Variants in OCRL observed in about 807,000 individuals in gnomAD.
The protein encoded by OCRL is OCRL inositol polyphosphate-5-phosphatase, also known as inositol polyphosphate 5-phosphatase OCRL.
In OCRL, 8 loss-of-function variants were observed where a neutral mutation model predicts 78.9. The ratio of observed to expected loss-of-function variants is 0.10; its 90% CI spans 0.06 to 0.18. The LOEUF is 0.18. OCRL is among the 10% of genes least tolerant of loss of function. OCRL has a pLI of 1.00. For missense variants in OCRL, 454 were observed against 696.7 expected, an observed-to-expected ratio of 0.65 and a Z score of 3.92; for synonymous variants, 240 against 235.4, an observed-to-expected ratio of 1.02 and a Z score of -0.18.
intron 15 of OCRL, among the ~76,000 whole-genome samples, chrX:129,572,551 A>G (rs1936315903): frequency 8.9e-6 from 1 of 112,735 alleles, no homozygotes; most frequent in South Asian, 3.6e-4. Flanking sequence ...AAACCACACT[A>G]TATTTTCACC....
intron 15 of OCRL, among the ~76,000 whole-genome samples, chrX:129,574,708 CATT>C (rs1936346114): frequency 8.9e-6 from 1 of 112,416 alleles, no homozygotes; most frequent in African/African-American, 3.2e-5. Flanking sequence ...ACAATTATCA[CATT>C]TTTTCCACTA....
rs1441211795 is a variant in OCRL, at chrX:129,567,350, C to T, written c.1453C>T (p.Arg485Trp). The T allele has an allele frequency of 6.0e-6, 7 of 1,161,688 alleles. No homozygotes were observed. The highest frequency in any genetic ancestry group is 1.8e-5 in the African/African-American group (1 of 56,183). The change falls in exon 14 of 24, where the codon CGG becomes TGG. Residue 485 changes from arginine to tryptophan, a missense_variant. Arg to Trp is a moderately radical substitution (Grantham distance 101, BLOSUM62 -3). Coordinates refer to ENST00000371113, the MANE Select transcript of OCRL (RefSeq NM_000276.4). Reference sequence around the variant, plus strand: ...TTATAAGTATGACTCTAAAACAGACCGGTGGGATTCCAGGTAAAGTAATAA... The same window carrying T: ...TTATAAGTATGACTCTAAAACAGACTGGTGGGATTCCAGGTAAAGTAATAA... The part of the protein sequence containing the change: ...PTYKYDSKTD[R>W]WDSSGKCRVP...
Position 129,551,923 on chromosome X carries a change from C to G in OCRL, c.238+3322C>G, listed in dbSNP as rs748951317. ...AGAATTTACCAGGTAAAGGGAATCA[C>G]AAGGCTCCAGGCTGGGAAGTAGCTT... On this transcript the variant is annotated intron_variant, in intron 4 of 23. Coordinates refer to ENST00000371113, the MANE Select transcript of OCRL (RefSeq NM_000276.4). Among the ~76,000 whole-genome samples the G allele has an allele frequency of 2.2e-4, 25 of 111,517 alleles. 1 individual carries two copies. Among genetic ancestry groups the G allele is most frequent in the Non-Finnish European group, 9.4e-5 (5 of 53,094 alleles).
intron 18 of OCRL, among the ~76,000 whole-genome samples, chrX:129,581,207 C>T (rs1414036954): frequency 8.9e-6 from 1 of 112,447 alleles, no homozygotes; most frequent in Non-Finnish European, 1.9e-5. Flanking sequence ...CTCTAATTGA[C>T]TCTTTTATTT....
In OCRL at chrX:129,561,301, G is replaced by T. The variant is rs369386155; in HGVS notation, c.939+8G>T. The stretch of plus-strand genomic sequence containing the variant: ...AAAGCCAAGTATAAGAAAGTAAGCC[G>T]CATTTAATTATCTTTTTAAGTGTAT... On this transcript the variant is annotated splice_region_variant and intron_variant, in intron 10 of 23. Transcript: ENST00000371113. 1.9e-6 allele frequency: 2 copies of T among 1,064,634 alleles called. No homozygotes were observed. Among genetic ancestry groups the T allele is most frequent in the East Asian group, 3.0e-5 (1 of 33,124 alleles). 87.7% of individuals were successfully genotyped at this position (1,064,634 alleles called of 1,213,427 possible). A position where few individuals can be genotyped will look rare whatever the true frequency, so the allele number is the denominator to read the frequency against.
intron 17 of OCRL, 35 bp downstream of exon 17, chrX:129,576,097 A>G (rs200162197): frequency 1.1e-3 from 1,308 of 1,153,837 alleles, no homozygotes; most frequent in Non-Finnish European, 1.4e-3. Context: ...TCTGCTGGTG[A>G]TGTCATGACT....
Position 129,590,731 on chromosome X carries a change from C to G in OCRL, c.*461C>G, listed in dbSNP as rs1310467861. 1.3e-5 allele frequency: 2 copies of G among 159,992 alleles called. No homozygotes were observed. The highest frequency in any genetic ancestry group is 6.2e-5 in the African/African-American group (2 of 32,125). 13.2% of individuals were successfully genotyped at this position (159,992 alleles called of 1,213,427 possible). ...TGGATCACTCCTTTGCACTCCACTC[C>G]CCTCGTTCTGTCACTTTGAACGAAG... is the stretch of plus-strand genomic sequence containing the variant. On this transcript the variant is annotated 3_prime_UTR_variant, in exon 24 of 24. Coordinates refer to ENST00000371113, the MANE Select transcript of OCRL (RefSeq NM_000276.4).
At chrX:129,554,089 A>C (rs1448034779) in intron 4 of OCRL, among the ~76,000 whole-genome samples, 5 of 109,612 alleles carry the variant, frequency 4.6e-5, no homozygotes, top group African/African-American at 1.3e-4. Flanking sequence ...AAGTGAGAGC[A>C]GGAAGGGGCT....
intron 14 of OCRL, among the ~76,000 whole-genome samples, chrX:129,568,321 T>TTTTTTC (rs769557900): frequency 2.1e-4 from 24 of 112,178 alleles, no homozygotes; most frequent in Non-Finnish European, 4.1e-4. Context: ...TTTCCTTTCC[T>TTTTTTC]TTTTTCTTTT....
chrX:129,562,102 T>C (rs943821816), intron 10 of OCRL, among the ~76,000 whole-genome samples: 6 of 112,061 alleles, frequency 5.4e-5, no homozygotes, highest in African/African-American at 1.9e-4. Context: ...CTTTTAATGC[T>C]GCTTACTCCT....
At chrX:129,547,740 G>C (rs746641859) in intron 3 of OCRL, among the ~76,000 whole-genome samples, 6 of 110,797 alleles carry the variant, frequency 5.4e-5, no homozygotes, top group Non-Finnish European at 1.1e-4. Flanking sequence ...CTGAGTAATG[G>C]AGCCAAATAA....
At chrX:129,579,141 A>G (rs1468181128) in intron 18 of OCRL, among the ~76,000 whole-genome samples, 1 of 111,802 alleles carries the variant, frequency 8.9e-6, no homozygotes, top group Non-Finnish European at 1.9e-5. Context: ...TTTGATCATC[A>G]TGACAGTACT....
chrX:129,584,963 C>T (rs1219535844), intron 19 of OCRL, among the ~76,000 whole-genome samples: 1 of 111,621 alleles, frequency 9.0e-6, no homozygotes, highest in Non-Finnish European at 1.9e-5. Context: ...ATGCACTGTA[C>T]CCACTTGGTG....
intron 19 of OCRL, among the ~76,000 whole-genome samples, chrX:129,584,887 G>T (rs1936489710): frequency 8.9e-6 from 1 of 112,060 alleles, no homozygotes; most frequent in African/African-American, 3.2e-5. Context: ...TTCAGACAGG[G>T]TATTTTCTCC....
intron 3 of OCRL, among the ~76,000 whole-genome samples, chrX:129,548,251 C>G (rs1188830826): frequency 1.2e-4 from 13 of 112,130 alleles, no homozygotes; most frequent in Admixed American, 6.6e-4. Flanking sequence ...ATTAAACTTG[C>G]TTTCGCTGAA....
intron 18 of OCRL, among the ~76,000 whole-genome samples, chrX:129,582,692 GAC>G (rs1936458864): frequency 8.9e-6 from 1 of 111,873 alleles, no homozygotes; most frequent in African/African-American, 3.2e-5. Context: ...ACCTTATAAA[GAC>G]TATTCTAATT....
chrX:129,559,860 A>G (rs1447406670), intron 8 of OCRL, among the ~76,000 whole-genome samples: 2 of 111,619 alleles, frequency 1.8e-5, no homozygotes, highest in African/African-American at 3.3e-5. Context: ...TGTATCGCCA[A>G]TGCATGAAGC....
intron 19 of OCRL, 68 bp downstream of exon 19, chrX:129,584,435 G>T: frequency 9.5e-7 from 1 of 1,052,677 alleles, no homozygotes; most frequent in Non-Finnish European, 1.3e-6. Context: ...GTGGTCCCTG[G>T]AATTTGTCCC....
intron 15 of OCRL, 90 bp downstream of exon 15, chrX:129,569,489 C>A (rs895639557): frequency 7.5e-4 from 733 of 981,958 alleles, no homozygotes; most frequent in Admixed American, 5.6e-3. Context: ...AGTAATTCAG[C>A]AAGCCATAAA....
Sources: gnomAD v4.1 joint callset for allele counts (sites outside exome capture counted in the v4.1 genomes callset) on GRCh38, gnomAD v4.1.1 for gene constraint, MANE v1.5 for transcripts, NCBI Gene and HGNC (gene_info 2026-07-23, HGNC 2026-07-21) for gene names.